DDX24: variants seen among roughly 807,000 people sequenced by gnomAD.
DDX24 encodes DEAD-box helicase 24.
DDX24 carries 24 observed loss-of-function variants against 68.9 expected under a neutral mutation model. The ratio of observed to expected loss-of-function variants is 0.35; its 90% CI spans 0.25 to 0.49. The LOEUF (loss-of-function observed/expected upper bound fraction) is 0.49. DDX24 is among the 20% of genes least tolerant of loss of function. The pLI, the probability that DDX24 is intolerant of heterozygous loss-of-function variation, is 0.99. For missense variants in DDX24, 989 were observed against 1,039.0 expected (o/e 0.95, Z 0.66); for synonymous variants, 395 against 385.2 (o/e 1.03, Z -0.30).
chr14:94,052,445 A>C (rs957380135), intron 8 of DDX24, among the ~76,000 whole-genome samples: 1 of 145,972 alleles, frequency 6.9e-6, no homozygotes, highest in Admixed American at 6.7e-5. Flanking sequence ...ATGAAAGTGG[A>C]GAAGATCAAA....
At chr14:94,063,180 C>G (rs566947529) in intron 2 of DDX24, among the ~76,000 whole-genome samples, 26 of 152,252 alleles carry the variant, frequency 1.7e-4, no homozygotes, top group Non-Finnish European at 2.9e-4. Flanking sequence ...CCAATAAATG[C>G]TTTCTCAAGG....
chr14:94,069,387 A>C (rs1885782983), intron 2 of DDX24, among the ~76,000 whole-genome samples: 1 of 152,208 alleles, frequency 6.6e-6, no homozygotes, highest in African/African-American at 2.4e-5. Flanking sequence ...TTACCAACAA[A>C]AAAAAGTCCA....
At chr14:94,065,532 T>G (rs1408968399) in intron 2 of DDX24, among the ~76,000 whole-genome samples, 2 of 152,156 alleles carry the variant, frequency 1.3e-5, no homozygotes, top group African/African-American at 4.8e-5. Context: ...TTGCAACTCC[T>G]GAAAGAGCAG....
chr14:94,066,733 G>C (rs1392928438), intron 2 of DDX24, among the ~76,000 whole-genome samples: 1 of 152,210 alleles, frequency 6.6e-6, no homozygotes, highest in Non-Finnish European at 1.5e-5. Flanking sequence ...CCAGAAGACA[G>C]ACAACAATCA....
intron 2 of DDX24, among the ~76,000 whole-genome samples, chr14:94,068,916 G>C (rs1196688931): frequency 1.3e-5 from 2 of 152,154 alleles, no homozygotes; most frequent in Non-Finnish European, 2.9e-5. Flanking sequence ...AAGTCTGAAA[G>C]AGCACAAACA....
chr14:94,061,808 TGTGTTCC>T (rs1885602651), intron 3 of DDX24, among the ~76,000 whole-genome samples: 1 of 152,146 alleles, frequency 6.6e-6, no homozygotes, highest in African/African-American at 2.4e-5. Flanking sequence ...TGGGTGTGGG[TGTGTTCC>T]GGCAAAACTT....
At chr14:94,075,117 G>A (rs548786691) in intron 2 of DDX24, among the ~76,000 whole-genome samples, 2 of 152,244 alleles carry the variant, frequency 1.3e-5, no homozygotes, top group South Asian at 2.1e-4. Context: ...TCCCAATCCA[G>A]ATATCAGCTT....
chr14:94,079,212 C>T lies in DDX24; in HGVS notation c.531G>A (p.Ala177=), dbSNP rs377271476. Residue 177 remains alanine, a synonymous_variant, in exon 2 of 9, where the codon GCG becomes GCA. Coordinates refer to ENST00000621632, the MANE Select transcript of DDX24 (RefSeq NM_020414.4). The part of the protein sequence containing the change: ...QSTAAKVPKK[A]KTWIPEVHDQ... ...CATGAACTTCAGGAATCCATGTCTT[C>T]GCTTTTTTGGGCACCTTGGCAGCAG... The T allele has an allele frequency of 1.5e-5, 25 of 1,614,088 alleles. No individual in the cohort carries two copies. The African/African-American group carries it at 2.1e-4, about 14-fold the overall frequency.
At chr14:94,058,125 C>T (rs1360619538) in intron 5 of DDX24, among the ~76,000 whole-genome samples, 1 of 152,082 alleles carries the variant, frequency 6.6e-6, no homozygotes, top group African/African-American at 2.4e-5. Flanking sequence ...CTCATTGACC[C>T]CAACCAACAT....
intron 2 of DDX24, among the ~76,000 whole-genome samples, chr14:94,069,837 T>C (rs997335222): frequency 2.6e-5 from 4 of 152,088 alleles, no homozygotes; most frequent in African/African-American, 9.7e-5. Flanking sequence ...CTCAGCAAAA[T>C]TGGCATACAA....
intron 7 of DDX24, chr14:94,053,358 C>CT (rs1160011824): frequency 0.028 from 3,452 of 124,516 alleles, 167 homozygotes; most frequent in South Asian, 0.034. Context: ...TAGGTAATTT[C>CT]TTTTTTTTTT....
chr14:94,060,325 C>A lies in DDX24; in HGVS notation c.1686G>T (p.Thr562=). 5 of 1,614,174 alleles carry A rather than the reference C, an allele frequency of 3.1e-6. No homozygotes were observed. The highest frequency in any genetic ancestry group is 4.2e-6 in the Non-Finnish European group (5 of 1,180,038). ...CACAATGGATCTTGGTCTCTGTTAG[C>A]GTCTCCACCGTGGCCTCATTCCTTG... ...DLTRNEATVE[T]LTETKIHCET... Residue 562 remains threonine, a synonymous_variant, in exon 5 of 9, where the codon ACG becomes ACT. Coordinates refer to ENST00000621632, the MANE Select transcript of DDX24 (RefSeq NM_020414.4).
intron 2 of DDX24, 81 bp from the exon 3 acceptor site, chr14:94,062,702 T>C: frequency 6.6e-7 from 1 of 1,504,804 alleles, no homozygotes; most frequent in Middle Eastern, 2.4e-4. Flanking sequence ...TTCATTCTTT[T>C]GCATAGAATA....
chr14:94,064,272 G>C (rs1004045719), intron 2 of DDX24, among the ~76,000 whole-genome samples: 4 of 152,216 alleles, frequency 2.6e-5, no homozygotes, highest in African/African-American at 9.6e-5. Flanking sequence ...TAAGAGCCTT[G>C]TAACTTTCTC....
At position 94,049,724 on chromosome 14, in the gene DDX24, A is replaced by G. The variant is rs1885352062; in HGVS notation, c.*1467T>C. The G allele has an allele frequency of 8.0e-6, 1 of 124,932 alleles. No homozygotes were observed. The highest frequency in any genetic ancestry group is 3.9e-5 in the African/African-American group (1 of 25,744). 7.7% of individuals were successfully genotyped at this position (124,932 alleles called of 1,614,324 possible). ...GCCTACGCCAACATAGTGAGACCCC[A>G]TCTCTACTAAAAAAAAAAAATTCAG... On this transcript the variant is annotated 3_prime_UTR_variant, in exon 9 of 9. Transcript: ENST00000621632.
In DDX24 at chr14:94,060,643, G is replaced by A. The variant is rs376513599; in HGVS notation, c.1398-30C>T. On this transcript the variant is annotated intron_variant, in intron 4 of 8. Transcript: ENST00000621632. Reference sequence around the variant, plus strand: ...AGATCCAGAGAGACCCATATCATTGGTCAGCAGCGGGTTAAGAGGAATCAT... The same window carrying A: ...AGATCCAGAGAGACCCATATCATTGATCAGCAGCGGGTTAAGAGGAATCAT... 3.7e-6 allele frequency: 6 copies of A among 1,602,246 alleles called. No homozygotes were observed. In the East Asian group the frequency reaches 1.3e-4, roughly 36 times the overall value.
intron 2 of DDX24, among the ~76,000 whole-genome samples, chr14:94,071,002 TA>T (rs1411213654): frequency 1.3e-5 from 2 of 152,058 alleles, no homozygotes; most frequent in Non-Finnish European, 2.9e-5. Flanking sequence ...AAAACAAAGA[TA>T]AATATCTGGG....
intron 2 of DDX24, among the ~76,000 whole-genome samples, chr14:94,065,716 C>T (rs1425336954): frequency 6.6e-6 from 1 of 152,142 alleles, no homozygotes; most frequent in Non-Finnish European, 1.5e-5. Flanking sequence ...CTCTCCTCTC[C>T]CAAACACACA....
intron 2 of DDX24, among the ~76,000 whole-genome samples, chr14:94,066,774 A>T (rs1885714234): frequency 6.6e-6 from 1 of 152,198 alleles, no homozygotes. Context: ...AGCCACATCC[A>T]TAGGAAAAGG....
Sources: gnomAD v4.1 joint callset for allele counts (sites outside exome capture counted in the v4.1 genomes callset) on GRCh38, gnomAD v4.1.1 for gene constraint, MANE v1.5 for transcripts, NCBI Gene and HGNC (gene_info 2026-07-23, HGNC 2026-07-21) for gene names.